The following XKR4 variants were observed in gnomAD, a reference collection of about 807,000 sequenced individuals.
XKR4 encodes the protein XK related 4.
Under a neutral mutation model 53.9 loss-of-function variants are expected in XKR4, and 12 were observed. That is an observed-to-expected ratio of 0.22 (90% confidence interval 0.14 to 0.36). The LOEUF is 0.36. XKR4 is among the 10% of genes least tolerant of loss of function. The pLI is 1.00. For missense variants in XKR4, 799 were observed against 859.5 expected, an observed-to-expected ratio of 0.93 and a Z score of 0.88; for synonymous variants, 354 against 362.4, an observed-to-expected ratio of 0.98 and a Z score of 0.26.
rs144516356 is a variant in XKR4, at chr8:55,440,724, A to G, written c.1007-82557A>G. On this transcript the variant is annotated intron_variant, in intron 2 of 2. Transcript: ENST00000327381. ...TTATATAGTAGAGATAGATATAAAT[A>G]TATTGAAAATAACAATGATTGTAAA... 4.2e-3 allele frequency among the ~76,000 whole-genome samples: 633 copies of G among 152,320 alleles called. 4 individuals are homozygous for G. Among genetic ancestry groups the G allele is most frequent in the African/African-American group, 0.015 (606 of 41,570 alleles).
intron 1 of XKR4, among the ~76,000 whole-genome samples, chr8:55,257,660 T>G (rs1276671815): frequency 6.6e-6 from 1 of 152,232 alleles, no homozygotes; most frequent in Non-Finnish European, 1.5e-5. Flanking sequence ...GTATACTAAA[T>G]ACTCATGGGT....
chr8:55,112,018 TC>T (rs1816239303), intron 1 of XKR4, among the ~76,000 whole-genome samples: 1 of 152,198 alleles, frequency 6.6e-6, no homozygotes, highest in South Asian at 2.1e-4. Context: ...CCCTGAGAAC[TC>T]CCTGGGGATA....
Position 55,149,519 on chromosome 8 carries a change from A to G in XKR4, c.806+46225A>G, listed in dbSNP as rs956361664. 2.0e-5 allele frequency among the ~76,000 whole-genome samples: 3 copies of G among 152,174 alleles called. No individual in the cohort carries two copies. In the East Asian group the frequency reaches 5.8e-4, roughly 29 times the overall value. On this transcript the variant is annotated intron_variant, in intron 1 of 2. Coordinates refer to ENST00000327381, the MANE Select transcript of XKR4 (RefSeq NM_052898.2). ...TGGGGAGCCTTTGGCATCGAGAAAA[A>G]GTTTAAATTTATACATTACATAATG...
At chr8:55,164,242 C>G in intron 1 of XKR4, 2 of 456,538 alleles carry the variant, frequency 4.4e-6, no homozygotes, top group South Asian at 1.5e-5. Flanking sequence ...GCATTGAGAC[C>G]CATCTCCTCT....
At chr8:55,182,614 A>G (rs1473181098) in intron 1 of XKR4, among the ~76,000 whole-genome samples, 1 of 152,164 alleles carries the variant, frequency 6.6e-6, no homozygotes, top group African/African-American at 2.4e-5. Flanking sequence ...ATATTTGTGC[A>G]CATCTATTTT....
intron 1 of XKR4, among the ~76,000 whole-genome samples, chr8:55,232,935 C>G (rs1394014952): frequency 6.6e-6 from 1 of 152,192 alleles, no homozygotes; most frequent in Non-Finnish European, 1.5e-5. Context: ...TCTTAATAGC[C>G]TCTGTTCTTG....
chr8:55,203,334 A>C (rs1228901343), intron 1 of XKR4, among the ~76,000 whole-genome samples: 1 of 152,196 alleles, frequency 6.6e-6, no homozygotes, highest in African/African-American at 2.4e-5. Context: ...AAGGGTTCGC[A>C]AAGGTGGGCA....
At chr8:55,216,882 G>A (rs955457134) in intron 1 of XKR4, among the ~76,000 whole-genome samples, 1 of 150,696 alleles carries the variant, frequency 6.6e-6, no homozygotes, top group Non-Finnish European at 1.5e-5. Flanking sequence ...AAATAAGAAA[G>A]CATTAGAATT....
In XKR4 at chr8:55,345,143, G is replaced by A. The variant is rs190990292; in HGVS notation, c.807-12535G>A. ...CTAAAAATACAAAAGTTAGCTGGGT[G>A]TGGTGGTGCACACCACACCTACTTG... On this transcript the variant is annotated intron_variant, in intron 1 of 2. Coordinates refer to ENST00000327381, the MANE Select transcript of XKR4 (RefSeq NM_052898.2). Among the ~76,000 whole-genome samples, 160 of 152,024 alleles carry A rather than the reference G, an allele frequency of 1.1e-3. 3 individuals are homozygous for A. The highest frequency in any genetic ancestry group is 2.9e-4 in the Non-Finnish European group (20 of 67,966).
intron 1 of XKR4, among the ~76,000 whole-genome samples, chr8:55,271,585 A>T (rs1328135253): frequency 6.6e-6 from 1 of 152,272 alleles, no homozygotes; most frequent in Non-Finnish European, 1.5e-5. Context: ...TATCACAGGC[A>T]GAGGGCTGGA....
At chr8:55,263,841 C>T (rs1017409169) in intron 1 of XKR4, among the ~76,000 whole-genome samples, 4 of 152,212 alleles carry the variant, frequency 2.6e-5, no homozygotes, top group African/African-American at 7.2e-5. Flanking sequence ...GTACTGCAGT[C>T]ATCAAGCCAC....
intron 2 of XKR4, among the ~76,000 whole-genome samples, chr8:55,407,851 A>G (rs2129390779): frequency 6.6e-6 from 1 of 152,366 alleles, no homozygotes; most frequent in South Asian, 2.1e-4. Flanking sequence ...CACTTTCAGA[A>G]GGGAGTATCA....
chr8:55,207,427 C>A (rs1817664941), intron 1 of XKR4, among the ~76,000 whole-genome samples: 1 of 152,204 alleles, frequency 6.6e-6, no homozygotes, highest in Non-Finnish European at 1.5e-5. Flanking sequence ...ATTCCCTGCA[C>A]AGGAGATTGT....
intron 2 of XKR4, among the ~76,000 whole-genome samples, chr8:55,436,774 C>T (rs7819696): frequency 0.22 from 33,626 of 152,176 alleles, 4,203 homozygotes; most frequent in African/African-American, 0.36. Context: ...TCCACTTCCC[C>T]TTCTCAAAGC....
At chr8:55,340,113 G>A (rs890632336) in intron 1 of XKR4, among the ~76,000 whole-genome samples, 1 of 152,190 alleles carries the variant, frequency 6.6e-6, no homozygotes, top group Non-Finnish European at 1.5e-5. Flanking sequence ...TGGCTAGGAG[G>A]CACTGGTTGA....
At chr8:55,282,174 G>A (rs1231675634) in intron 1 of XKR4, among the ~76,000 whole-genome samples, 1 of 152,178 alleles carries the variant, frequency 6.6e-6, no homozygotes, top group African/African-American at 2.4e-5. Context: ...GTCATGTACT[G>A]CAAAATGGCA....
At chr8:55,413,267 G>A (rs1020310849) in intron 2 of XKR4, among the ~76,000 whole-genome samples, 2 of 151,988 alleles carry the variant, frequency 1.3e-5, no homozygotes, top group African/African-American at 2.4e-5. Flanking sequence ...CTGTCATCTA[G>A]GCTGGAGTGC....
chr8:55,141,985 A>AG (rs1040891073), intron 1 of XKR4: 37 of 431,302 alleles, frequency 8.6e-5, no homozygotes, highest in African/African-American at 5.0e-4. Flanking sequence ...CTCTATTTCC[A>AG]GGGGTGATAA....
chr8:55,253,211 T>C (rs1333114197), intron 1 of XKR4, among the ~76,000 whole-genome samples: 1 of 152,044 alleles, frequency 6.6e-6, no homozygotes, highest in Non-Finnish European at 1.5e-5. Context: ...GACGTAAATA[T>C]TCTCTTCCTT....
Sources: gnomAD v4.1 joint callset for allele counts (sites outside exome capture counted in the v4.1 genomes callset) on GRCh38, gnomAD v4.1.1 for gene constraint, MANE v1.5 for transcripts, NCBI Gene and HGNC (gene_info 2026-07-23, HGNC 2026-07-21) for gene names.